Variants in ERICH6B observed in about 807,000 individuals in gnomAD.
ERICH6B encodes the protein glutamate-rich protein 6B.
Under a neutral mutation model 80.0 loss-of-function variants are expected in ERICH6B, and 69 were observed. The ratio of observed to expected loss-of-function variants is 0.86; its 90% CI spans 0.71 to 1.05. ERICH6B has a LOEUF of 1.05. Ranked by LOEUF, ERICH6B falls within the 50% of genes least tolerant of loss-of-function variation. The pLI is 0.00. For synonymous variants in ERICH6B, 283 were observed against 291.9 expected (o/e 0.97, Z 0.31); for missense variants, 754 against 796.1 (o/e 0.95, Z 0.64).
In ERICH6B at chr13:45,563,778, T is replaced by G; in HGVS notation, c.1198A>C (p.Asn400His). 1.9e-6 allele frequency: 3 copies of G among 1,552,220 alleles called. No homozygotes were observed. Among genetic ancestry groups the G allele is most frequent in the Non-Finnish European group, 1.7e-6 (2 of 1,147,082 alleles). Residue 400 changes from asparagine (N) to histidine (H), a missense_variant, in exon 10 of 15, where the codon AAT becomes CAT. Transcript: ENST00000298738. ...RWKLVIMLKK[N>H]YEKFKETILR... Reference sequence around the variant, plus strand: ...ATTGTTTCCTTGAACTTTTCATAATTTTTCTTCAGCCTAAAAGGAAAGTGG... The same window carrying G: ...ATTGTTTCCTTGAACTTTTCATAATGTTTCTTCAGCCTAAAAGGAAAGTGG...
At chr13:45,596,286 C>A (rs1876364609) in intron 3 of ERICH6B, 83 bp downstream of exon 3, 1 of 1,443,646 alleles carries the variant, frequency 6.9e-7, no homozygotes, top group East Asian at 2.5e-5. Flanking sequence ...TCATCCCTTT[C>A]CAGATACTCT....
At chr13:45,553,010 G>C in intron 11 of ERICH6B, 1 of 234,610 alleles carries the variant, frequency 4.3e-6, no homozygotes, top group Non-Finnish European at 8.8e-6. Context: ...GTCTCTTCAG[G>C]TTTTAGTTCT....
At chr13:45,547,994 T>C (rs1874057795) in intron 13 of ERICH6B, among the ~76,000 whole-genome samples, 1 of 151,790 alleles carries the variant, frequency 6.6e-6, no homozygotes, top group Admixed American at 6.6e-5. Flanking sequence ...GCTCAGGGGG[T>C]GAAAAGATCC....
chr13:45,611,807 T>A (rs548960897), intron 1 of ERICH6B, among the ~76,000 whole-genome samples: 2 of 152,144 alleles, frequency 1.3e-5, no homozygotes, highest in Non-Finnish European at 2.9e-5. Context: ...ACTGTAATAA[T>A]AAGGATAACA....
At chr13:45,581,676 C>T (rs903563771) in intron 5 of ERICH6B, among the ~76,000 whole-genome samples, 7 of 152,160 alleles carry the variant, frequency 4.6e-5, no homozygotes, top group African/African-American at 1.7e-4. Context: ...TGCGCCTGGC[C>T]CATTCCATTC....
At chr13:45,585,397 C>T (rs1875857423) in intron 5 of ERICH6B, among the ~76,000 whole-genome samples, 1 of 152,320 alleles carries the variant, frequency 6.6e-6, no homozygotes, top group South Asian at 2.1e-4. Context: ...CTCTTTGTCA[C>T]ACTTGCGCCG....
At chr13:45,582,081 C>G (rs1875695406) in intron 5 of ERICH6B, among the ~76,000 whole-genome samples, 1 of 152,214 alleles carries the variant, frequency 6.6e-6, no homozygotes, top group Admixed American at 6.5e-5. Context: ...TTTTACATCT[C>G]AGTCGTGTGT....
chr13:45,579,567 C>T lies in ERICH6B; in HGVS notation c.961+366G>A, dbSNP rs537044075. On this transcript the variant is annotated intron_variant, in intron 7 of 14. Transcript: ENST00000298738. ...TGTAGGGGCTCCACTTTATCCATTA[C>T]CAAGATGGCATAGGACCCTGAGTCT... is the stretch of plus-strand genomic sequence containing the variant. 2.0e-5 allele frequency among the ~76,000 whole-genome samples: 3 copies of T among 152,270 alleles called. No homozygotes were observed. The East Asian group carries it at 5.8e-4, about 29-fold the overall frequency.
At chr13:45,605,752 G>T (rs7988252) in intron 2 of ERICH6B, among the ~76,000 whole-genome samples, 6,599 of 152,280 alleles carry the variant, frequency 0.043, 479 homozygotes, top group African/African-American at 0.15. Context: ...ATAATTCTCC[G>T]TGATAAAGAA....
chr13:45,611,215 G>A (rs572531903), intron 1 of ERICH6B, among the ~76,000 whole-genome samples: 67 of 152,242 alleles, frequency 4.4e-4, no homozygotes, highest in African/African-American at 1.5e-3. Context: ...TGTCCAGCCC[G>A]ATCAAGCCAA....
chr13:45,564,135 G>A (rs1001203786), intron 9 of ERICH6B, among the ~76,000 whole-genome samples: 35 of 152,152 alleles, frequency 2.3e-4, no homozygotes, highest in Non-Finnish European at 8.8e-5. Flanking sequence ...TCACACAGAT[G>A]GATTTGATTT....
At chr13:45,571,285 T>C (rs1875154648) in intron 8 of ERICH6B, among the ~76,000 whole-genome samples, 1 of 152,186 alleles carries the variant, frequency 6.6e-6, no homozygotes, top group Non-Finnish European at 1.5e-5. Flanking sequence ...TTTTCGTAAG[T>C]GACTAGTCTT....
intron 8 of ERICH6B, among the ~76,000 whole-genome samples, chr13:45,568,876 C>T (rs1249638048): frequency 1.3e-5 from 2 of 152,112 alleles, no homozygotes; most frequent in Non-Finnish European, 2.9e-5. Flanking sequence ...CATCAACATG[C>T]CAAAAAATCT....
At chr13:45,569,881 C>T (rs1875079091) in intron 8 of ERICH6B, among the ~76,000 whole-genome samples, 1 of 152,184 alleles carries the variant, frequency 6.6e-6, no homozygotes, top group Admixed American at 6.5e-5. Context: ...GCCTTTGCTG[C>T]CCATATTCCT....
chr13:45,597,860 C>T (rs1876468119), intron 2 of ERICH6B, among the ~76,000 whole-genome samples: 4 of 151,666 alleles, frequency 2.6e-5, no homozygotes, highest in Middle Eastern at 3.2e-3. Flanking sequence ...TGAATTCTTC[C>T]ACTCCTCCTC....
intron 14 of ERICH6B, among the ~76,000 whole-genome samples, chr13:45,543,405 T>C (rs147899299): frequency 7.9e-4 from 121 of 152,236 alleles, no homozygotes; most frequent in African/African-American, 2.8e-3. Flanking sequence ...TCTGTGGATA[T>C]GATTAAGTTA....
Position 45,596,711 on chromosome 13 carries a change from C to T in ERICH6B, c.295G>A (p.Glu99Lys). 6.4e-7 allele frequency: 1 copy of T among 1,551,926 alleles called. No homozygotes were observed. Among genetic ancestry groups the T allele is most frequent in the East Asian group, 2.4e-5 (1 of 40,910 alleles). ...TCCTCCTCCAGATACCCTGCCTTCTCCAGATACTCTTCCTCCTCCAGATGC... is the reference window on the plus strand; with the variant it reads ...TCCTCCTCCAGATACCCTGCCTTCTTCAGATACTCTTCCTCCTCCAGATGC... ...EEHLEEEEYL[E>K]KAGYLEEEEY... The change falls in exon 3 of 15, where the codon GAG becomes AAG. Residue 99 changes from glutamate to lysine, a missense_variant. Coordinates refer to ENST00000298738, the MANE Select transcript of ERICH6B (RefSeq NM_182542.3).
At position 45,568,940 on chromosome 13, in the gene ERICH6B, G is replaced by A. The variant is rs758564009; in HGVS notation, c.1051-489C>T. Reference sequence around the variant, plus strand: ...TCAAATGTGGAGATGGCTATGGAATGTAAAAATGCTTCCATGCTTTAAGAG... The same window carrying A: ...TCAAATGTGGAGATGGCTATGGAATATAAAAATGCTTCCATGCTTTAAGAG... On this transcript the variant is annotated intron_variant, in intron 8 of 14. Transcript: ENST00000298738. 7.2e-5 allele frequency among the ~76,000 whole-genome samples: 11 copies of A among 152,258 alleles called. 1 individual carries two copies. Among genetic ancestry groups the A allele is most frequent in the Non-Finnish European group, 1.3e-4 (9 of 68,026 alleles).
intron 8 of ERICH6B, among the ~76,000 whole-genome samples, chr13:45,571,423 C>T (rs142824127): frequency 7.2e-5 from 11 of 152,124 alleles, no homozygotes; most frequent in African/African-American, 2.7e-4. Context: ...TGCACACTAA[C>T]TGCAAACCAA....
Sources: allele counts gnomAD v4.1 joint callset (sites outside exome capture counted in the v4.1 genomes callset), GRCh38; gene constraint gnomAD v4.1.1; transcripts MANE v1.5; gene names NCBI Gene and HGNC (gene_info 2026-07-23, HGNC 2026-07-21).